Variants in SIL1 observed in about 807,000 individuals in gnomAD.
SIL1 encodes nucleotide exchange factor SIL1.
A neutral mutation model predicts 49.1 loss-of-function variants in SIL1; 40 were observed. The observed-to-expected ratio is 0.81, with a 90% CI of 0.63 to 1.06. The LOEUF is 1.06. Ranked by LOEUF, SIL1 falls within the 50% of genes least tolerant of loss-of-function variation. The pLI is 0.00. For missense variants in SIL1, 500 were observed against 572.6 expected, an observed-to-expected ratio of 0.87 and a Z score of 1.29; for synonymous variants, 253 against 250.8, an observed-to-expected ratio of 1.01 and a Z score of -0.08.
chr5:139,069,600 T>C (rs995325366), intron 3 of SIL1, among the ~76,000 whole-genome samples: 6 of 152,186 alleles, frequency 3.9e-5, no homozygotes, highest in African/African-American at 1.4e-4. Context: ...AAAAGAATTA[T>C]AATTCAAGAA....
chr5:139,025,669 G>A (rs10058347), intron 6 of SIL1, among the ~76,000 whole-genome samples: 65,631 of 151,780 alleles, frequency 0.43, 15,323 homozygotes, highest in African/African-American at 0.63. Context: ...CCTCCAGGCC[G>A]CTGTGCTCCA....
intron 3 of SIL1, among the ~76,000 whole-genome samples, chr5:139,076,538 T>C (rs1406567253): frequency 6.6e-6 from 1 of 152,180 alleles, no homozygotes; most frequent in Non-Finnish European, 1.5e-5. Context: ...ACTGATACAG[T>C]CATTTGCGCT....
At chr5:138,950,602 A>G (rs1324041344) in intron 9 of SIL1, among the ~76,000 whole-genome samples, 1 of 152,184 alleles carries the variant, frequency 6.6e-6, no homozygotes, top group African/African-American at 2.4e-5. Context: ...TAGCTGAATT[A>G]AGAATCCAGG....
chr5:139,064,612 T>C (rs965723711), intron 3 of SIL1, among the ~76,000 whole-genome samples: 2 of 152,238 alleles, frequency 1.3e-5, no homozygotes, highest in African/African-American at 4.8e-5. Context: ...GTTTAAAGTT[T>C]TGGATCGTTG....
At chr5:139,071,666 A>ATTTT (rs67604334) in intron 3 of SIL1, among the ~76,000 whole-genome samples, 4 of 127,418 alleles carry the variant, frequency 3.1e-5, no homozygotes, top group Non-Finnish European at 5.0e-5. Context: ...TATTATTAGC[A>ATTTT]TTTTTTTTTT....
At chr5:138,985,253 T>C (rs937040706) in intron 7 of SIL1, among the ~76,000 whole-genome samples, 1 of 152,236 alleles carries the variant, frequency 6.6e-6, no homozygotes, top group Admixed American at 6.5e-5. Context: ...CCTTCTGAGA[T>C]GGCTTTGCTG....
intron 1 of SIL1, among the ~76,000 whole-genome samples, chr5:139,174,611 C>T (rs1751840269): frequency 6.6e-6 from 1 of 151,942 alleles, no homozygotes. Context: ...TGAGACCAGC[C>T]TGGGCAGTAC....
At position 139,026,915 on chromosome 5, in the gene SIL1, G is replaced by A. The variant is rs1768668953; in HGVS notation, c.531C>T (p.Val177=). Residue 177 remains valine, a synonymous_variant, in exon 6 of 10, where the codon GTC becomes GTT. Coordinates refer to ENST00000394817, the MANE Select transcript of SIL1 (RefSeq NM_022464.5). ...LKKDFDELNV[V]IETDMQIMVR... is the part of the protein sequence containing the mutation. ...CCATGATCTGCATGTCAGTCTCAAT[G>A]ACAACATTCAGCTCATCAAAGTCTT... 6.2e-7 allele frequency: 1 copy of A among 1,614,180 alleles called. No homozygotes were observed. The highest frequency in any genetic ancestry group is 1.1e-5 in the South Asian group (1 of 91,080).
In SIL1 at chr5:139,042,695, G is replaced by A; in HGVS notation, c.378C>T (p.Tyr126=). The part of the protein sequence containing the change: ...GKRLDINTNT[Y]TSQDLKSALA... ...GTGCACTCTTGAGATCCTGAGATGT[G>A]TAGGTGTTGGTGTTGATATCCAGCC... The change falls in exon 5 of 10, where the codon TAC becomes TAT. Residue 126 remains tyrosine, a synonymous_variant. Transcript: ENST00000394817. 1 of 1,614,166 alleles carries A rather than the reference G, an allele frequency of 6.2e-7. No individual in the cohort carries two copies. The highest frequency in any genetic ancestry group is 8.5e-7 in the Non-Finnish European group (1 of 1,180,016).
chr5:139,137,326 A>G, intron 1 of SIL1: 1 of 702,568 alleles, frequency 1.4e-6, no homozygotes, highest in Non-Finnish European at 2.6e-6. Context: ...GAGGTTAAGT[A>G]ACGTGCCAGA....
intron 7 of SIL1, among the ~76,000 whole-genome samples, chr5:138,956,957 G>A (rs1766916650): frequency 6.6e-6 from 1 of 152,102 alleles, no homozygotes; most frequent in Non-Finnish European, 1.5e-5. Context: ...ACTGGGGAAA[G>A]GCAGGGCTAT....
intron 3 of SIL1, among the ~76,000 whole-genome samples, chr5:139,060,523 A>ATT (rs78155592): frequency 9.9e-5 from 14 of 140,870 alleles, no homozygotes; most frequent in Non-Finnish European, 7.8e-5. Flanking sequence ...TAGTCCTCCA[A>ATT]TTTTTTTTTT....
intron 4 of SIL1, among the ~76,000 whole-genome samples, chr5:139,047,153 T>C (rs1234242325): frequency 6.6e-6 from 1 of 152,232 alleles, no homozygotes; most frequent in Non-Finnish European, 1.5e-5. Context: ...AACGTGGTTT[T>C]ACCCTCAGTC....
intron 7 of SIL1, among the ~76,000 whole-genome samples, chr5:138,990,225 A>C (rs983304590): frequency 1.3e-5 from 2 of 152,198 alleles, no homozygotes; most frequent in African/African-American, 2.4e-5. Flanking sequence ...GTGGAAAGAC[A>C]CTTGCTCAGA....
At chr5:139,001,098 CA>C (rs1244043418) in intron 7 of SIL1, among the ~76,000 whole-genome samples, 1 of 151,908 alleles carries the variant, frequency 6.6e-6, no homozygotes, top group African/African-American at 2.4e-5. Flanking sequence ...GGAAACTACT[CA>C]ATTTATATAG....
At chr5:139,183,543 C>T (rs1241669366) in intron 1 of SIL1, among the ~76,000 whole-genome samples, 1 of 152,294 alleles carries the variant, frequency 6.6e-6, no homozygotes, top group East Asian at 1.9e-4. Context: ...GAGGTGAATA[C>T]CCTGGACAAA....
At chr5:139,063,913 CA>C (rs1769646818) in intron 3 of SIL1, among the ~76,000 whole-genome samples, 1 of 152,218 alleles carries the variant, frequency 6.6e-6, no homozygotes, top group Non-Finnish European at 1.5e-5. Flanking sequence ...ACTCATTAGT[CA>C]AATTTAAAAC....
intron 1 of SIL1, among the ~76,000 whole-genome samples, chr5:139,181,908 G>T (rs987933654): frequency 6.6e-6 from 1 of 152,202 alleles, no homozygotes; most frequent in Non-Finnish European, 1.5e-5. Flanking sequence ...ACTAAAAAAT[G>T]ATGTTAAAAC....
intron 3 of SIL1, among the ~76,000 whole-genome samples, chr5:139,072,222 A>C (rs1431087219): frequency 6.6e-6 from 1 of 152,240 alleles, no homozygotes; most frequent in African/African-American, 2.4e-5. Context: ...ATTGGGGTCT[A>C]TTATAAATTA....
Sources: gnomAD v4.1 joint callset for allele counts (sites outside exome capture counted in the v4.1 genomes callset) on GRCh38, gnomAD v4.1.1 for gene constraint, MANE v1.5 for transcripts, NCBI Gene and HGNC (gene_info 2026-07-23, HGNC 2026-07-21) for gene names.